Variants in FLI1 observed in about 807,000 individuals in gnomAD.
FLI1 encodes the protein Friend leukemia integration 1 transcription factor.
Under a neutral mutation model 53.1 loss-of-function variants are expected in FLI1, and 13 were observed. That is an observed-to-expected ratio of 0.24 (90% CI 0.16 to 0.39). The LOEUF is 0.39. FLI1 is among the 10% of genes least tolerant of loss of function. FLI1 has a pLI of 1.00. For synonymous variants in FLI1, 244 were observed against 236.7 expected (o/e 1.03, Z -0.28); for missense variants, 424 against 600.5 (o/e 0.71, Z 3.07).
intron 2 of FLI1, chr11:128,764,699 G>A (rs1334873051): frequency 5.2e-6 from 8 of 1,546,242 alleles, no homozygotes; most frequent in African/African-American, 4.1e-5. Context: ...GGCTTCACCT[G>A]TACCCACCCT....
chr11:128,769,585 CAAG>C (rs922219985), intron 3 of FLI1, among the ~76,000 whole-genome samples: 14 of 152,118 alleles, frequency 9.2e-5, no homozygotes, highest in African/African-American at 3.1e-4. Flanking sequence ...GGGCCAAATT[CAAG>C]AAGGTGTGAG....
intron 2 of FLI1, among the ~76,000 whole-genome samples, chr11:128,760,875 C>T (rs576492933): frequency 6.6e-6 from 1 of 152,236 alleles, no homozygotes; most frequent in Admixed American, 6.5e-5. Flanking sequence ...CTACTCCTTA[C>T]CTCCACTGCC....
intron 1 of FLI1, among the ~76,000 whole-genome samples, chr11:128,704,287 A>G (rs1938466013): frequency 6.6e-6 from 1 of 151,070 alleles, no homozygotes; most frequent in African/African-American, 2.5e-5. Context: ...TGTACTGTGG[A>G]GTGACCCTCA....
intron 1 of FLI1, among the ~76,000 whole-genome samples, chr11:128,757,071 T>C (rs181873051): frequency 4.1e-5 from 6 of 145,264 alleles, no homozygotes; most frequent in African/African-American, 1.3e-4. Context: ...TTTCTTTCTT[T>C]CTTTCTTTCT....
intron 1 of FLI1, among the ~76,000 whole-genome samples, chr11:128,715,593 C>T (rs2135726379): frequency 6.6e-6 from 1 of 152,278 alleles, no homozygotes. Flanking sequence ...CATCCCACCT[C>T]ATTTAGTTGG....
chr11:128,777,342 A>G (rs891186526), intron 4 of FLI1, among the ~76,000 whole-genome samples: 2 of 43,504 alleles, frequency 4.6e-5, no homozygotes, highest in African/African-American at 4.9e-4. Flanking sequence ...TCTGACCTGG[A>G]AAAAAAAACA....
chr11:128,694,387 C>A, intron 1 of FLI1, 111 bp downstream of exon 1: 1 of 868,056 alleles, frequency 1.2e-6, no homozygotes, highest in South Asian at 5.4e-5. Context: ...TCTCCCTTCC[C>A]TCCGCGCCCC....
intron 2 of FLI1, among the ~76,000 whole-genome samples, chr11:128,765,229 G>A (rs577566489): frequency 2.5e-4 from 38 of 152,268 alleles, no homozygotes; most frequent in Middle Eastern, 3.4e-3. Context: ...ACAAGGTCAC[G>A]TGTTAGGCAG....
chr11:128,746,866 G>A (rs1361438711), intron 1 of FLI1, among the ~76,000 whole-genome samples: 1 of 152,202 alleles, frequency 6.6e-6, no homozygotes, highest in Non-Finnish European at 1.5e-5. Flanking sequence ...GCCCAAAGTT[G>A]CACAGCCAAT....
chr11:128,810,922 C>T lies in FLI1; in HGVS notation c.1293C>T (p.Tyr431=). 6.2e-7 allele frequency: 1 copy of T among 1,614,034 alleles called. No individual in the cohort carries two copies. The highest frequency in any genetic ancestry group is 8.5e-7 in the Non-Finnish European group (1 of 1,179,888). ...GGACCTCCCCCACGGGGGGAATCTA[C>T]CCCAACCCCAACGTCCCCCGCCATC... ...QYWTSPTGGI[Y]PNPNVPRHPN... The change falls in exon 9 of 9, where the codon TAC becomes TAT. Residue 431 remains tyrosine, a synonymous_variant. Coordinates refer to ENST00000527786, the MANE Select transcript of FLI1 (RefSeq NM_002017.5). This position sits in a 1 kb window ranked among gnomAD's most constrained non-coding sequence, Gnocchi z 6.6.
At chr11:128,715,317 T>C (rs1387901703) in intron 1 of FLI1, among the ~76,000 whole-genome samples, 1 of 152,258 alleles carries the variant, frequency 6.6e-6, no homozygotes, top group Non-Finnish European at 1.5e-5. Flanking sequence ...GGCCTTCTGG[T>C]GTTCCCACAT....
At chr11:128,733,627 C>T (rs1441035909) in intron 1 of FLI1, among the ~76,000 whole-genome samples, 1 of 152,176 alleles carries the variant, frequency 6.6e-6, no homozygotes, top group East Asian at 1.9e-4. Context: ...CTACAAAGAT[C>T]ACATTCGCCA....
At chr11:128,772,021 A>T (rs1941576620) in intron 3 of FLI1, among the ~76,000 whole-genome samples, 1 of 147,026 alleles carries the variant, frequency 6.8e-6, no homozygotes, top group Non-Finnish European at 1.5e-5. Context: ...AAAGTGCAAC[A>T]TCCCCACCAC....
At chr11:128,763,401 C>T (rs1430494433) in intron 2 of FLI1, among the ~76,000 whole-genome samples, 1 of 152,212 alleles carries the variant, frequency 6.6e-6, no homozygotes, top group African/African-American at 2.4e-5. Flanking sequence ...TAGACTTCAG[C>T]AACTTGATCC....
intron 1 of FLI1, among the ~76,000 whole-genome samples, chr11:128,724,516 A>G (rs563046899): frequency 6.6e-6 from 1 of 152,356 alleles, no homozygotes; most frequent in South Asian, 2.1e-4. Context: ...ATTTTGTTCA[A>G]TTGAGTTAAA....
chr11:128,735,902 G>A (rs1295404377), intron 1 of FLI1, among the ~76,000 whole-genome samples: 1 of 152,170 alleles, frequency 6.6e-6, no homozygotes, highest in Non-Finnish European at 1.5e-5. Context: ...AACTTTGAAG[G>A]GAATTTTGAA....
At chr11:128,694,390 C>T in intron 1 of FLI1, 114 bp downstream of exon 1, 2 of 848,260 alleles carry the variant, frequency 2.4e-6, no homozygotes, top group Non-Finnish European at 3.2e-6. Context: ...CCCTTCCCTC[C>T]GCGCCCCGGC....
chr11:128,711,473 C>A (rs1231442119), intron 1 of FLI1, among the ~76,000 whole-genome samples: 1 of 152,234 alleles, frequency 6.6e-6, no homozygotes, highest in African/African-American at 2.4e-5. Context: ...ATCATCAATT[C>A]TCTGCTGACC....
chr11:128,704,807 A>C (rs1938484120), intron 1 of FLI1, among the ~76,000 whole-genome samples: 2 of 152,246 alleles, frequency 1.3e-5, no homozygotes, highest in South Asian at 4.1e-4. Context: ...TACTCACCTA[A>C]GAGAAAGAGA....
Sources: gnomAD v4.1 joint callset for allele counts (sites outside exome capture counted in the v4.1 genomes callset) on GRCh38, gnomAD v4.1.1 for gene constraint, Gnocchi (gnomAD v3.1) non-coding constraint, MANE v1.5 for transcripts, NCBI Gene and HGNC (gene_info 2026-07-23, HGNC 2026-07-21) for gene names.